ITPR1: variants seen among roughly 807,000 people sequenced by gnomAD.
ITPR1 encodes inositol 1,4,5-trisphosphate-gated calcium channel ITPR1.
A neutral mutation model predicts 318.4 loss-of-function variants in ITPR1; 96 were observed. That is an observed-to-expected ratio of 0.30 (90% CI 0.26 to 0.36). The LOEUF (loss-of-function observed/expected upper bound fraction) is 0.36, where lower values mean the gene tolerates loss of function less well. ITPR1 is among the 10% of genes least tolerant of loss of function. The pLI is 1.00. For missense variants in ITPR1, 2,440 were observed against 3,460.2 expected, an observed-to-expected ratio of 0.71 and a Z score of 7.40; for synonymous variants, 1,312 against 1,289.9, an observed-to-expected ratio of 1.02 and a Z score of -0.37.
At chr3:4,829,462 G>A (rs1205011295) in intron 60 of ITPR1, among the ~76,000 whole-genome samples, 1 of 151,720 alleles carries the variant, frequency 6.6e-6, no homozygotes, top group East Asian at 1.9e-4. Flanking sequence ...TAGACTCACA[G>A]GATAGAAGAA....
At chr3:4,539,946 G>C (rs2084269049) in intron 4 of ITPR1, among the ~76,000 whole-genome samples, 1 of 145,798 alleles carries the variant, frequency 6.9e-6, no homozygotes, top group African/African-American at 2.6e-5. Flanking sequence ...CCCAGTTTCA[G>C]GTATTCTGTT....
At chr3:4,719,625 G>A (rs2042005437) in intron 40 of ITPR1, among the ~76,000 whole-genome samples, 1 of 152,180 alleles carries the variant, frequency 6.6e-6, no homozygotes, top group South Asian at 2.1e-4. Flanking sequence ...CTGAGGAAGG[G>A]ACGCCATGCT....
rs1414988573 is a variant in ITPR1 at position 4,669,887 on chromosome 3, C to T, written c.2006+114C>T. On this transcript the variant is annotated intron_variant, in intron 19 of 61. Coordinates refer to ENST00000649015, the MANE Select transcript of ITPR1 (RefSeq NM_001378452.1). ...TTGAGTTGATCTAAAGTCAGTGTGGCTGGCATTTGATCTTCTTATTGGAAA... is the reference window on the plus strand; with the variant it reads ...TTGAGTTGATCTAAAGTCAGTGTGGTTGGCATTTGATCTTCTTATTGGAAA... 29 of 1,086,826 alleles carry T rather than the reference C, an allele frequency of 2.7e-5. 1 individual carries two copies. Among genetic ancestry groups the T allele is most frequent in the Middle Eastern group, 4.3e-4 (2 of 4,612 alleles). 67.3% of individuals were successfully genotyped at this position (1,086,826 alleles called of 1,614,324 possible).
intron 5 of ITPR1, among the ~76,000 whole-genome samples, chr3:4,638,377 G>T (rs1346811557): frequency 1.3e-5 from 2 of 152,192 alleles, no homozygotes; most frequent in East Asian, 3.8e-4. Context: ...GATGAAGCCC[G>T]TTGCCCTTTA....
At position 4,660,947 on chromosome 3, in the gene ITPR1, C is replaced by G. The variant is rs144843200; in HGVS notation, c.1152-41C>G. 17 of 1,047,406 alleles carry G rather than the reference C, an allele frequency of 1.6e-5. No homozygotes were observed. The Middle Eastern group carries it at 8.5e-4, about 52-fold the overall frequency. 64.9% of individuals were successfully genotyped at this position (1,047,406 alleles called of 1,614,324 possible). ...AGACTAGGGGCTATAGAGTAAACCT[C>G]AATATTTATTTCCCTAAAACCCTCC... is the stretch of plus-strand genomic sequence containing the variant. On this transcript the variant is annotated intron_variant, in intron 13 of 61. Coordinates refer to ENST00000649015, the MANE Select transcript of ITPR1 (RefSeq NM_001378452.1).
intron 4 of ITPR1, among the ~76,000 whole-genome samples, chr3:4,586,040 A>T (rs1041681139): frequency 6.7e-6 from 1 of 150,066 alleles, no homozygotes; most frequent in Non-Finnish European, 1.5e-5. Flanking sequence ...TGTCCTTGTG[A>T]TAGTTTGCTG....
intron 34 of ITPR1, 43 bp downstream of exon 34, chr3:4,697,315 G>T (rs1357586383): frequency 1.5e-5 from 13 of 863,060 alleles, no homozygotes; most frequent in Non-Finnish European, 2.0e-5. Flanking sequence ...GAGAGTGAGA[G>T]GTGTGTGTGT....
At chr3:4,791,404 T>C (rs2047544983) in intron 52 of ITPR1, among the ~76,000 whole-genome samples, 1 of 152,194 alleles carries the variant, frequency 6.6e-6, no homozygotes. Flanking sequence ...TTAGATTTTC[T>C]TACGGAGTGT....
At chr3:4,604,107 G>A (rs1214008811) in intron 4 of ITPR1, among the ~76,000 whole-genome samples, 1 of 152,150 alleles carries the variant, frequency 6.6e-6, no homozygotes, top group Non-Finnish European at 1.5e-5. Context: ...GTTTTTTCCT[G>A]TGTTGGTTGA....
At chr3:4,833,563 G>A (rs2050670620) in intron 60 of ITPR1, among the ~76,000 whole-genome samples, 1 of 152,230 alleles carries the variant, frequency 6.6e-6, no homozygotes, top group Non-Finnish European at 1.5e-5. Flanking sequence ...TGAGGACTGT[G>A]AATGTCCATC....
At chr3:4,501,449 A>G (rs1263976923) in intron 2 of ITPR1, among the ~76,000 whole-genome samples, 1 of 152,214 alleles carries the variant, frequency 6.6e-6, no homozygotes, top group African/African-American at 2.4e-5. Flanking sequence ...CTCCACATTC[A>G]ATGAATGAGA....
intron 44 of ITPR1, among the ~76,000 whole-genome samples, chr3:4,748,236 T>A (rs2044247908): frequency 6.6e-6 from 1 of 152,108 alleles, no homozygotes; most frequent in Non-Finnish European, 1.5e-5. Context: ...TAGCCAGCCT[T>A]TAAGTTACAT....
At chr3:4,615,653 A>T (rs188469354) in intron 4 of ITPR1, among the ~76,000 whole-genome samples, 1 of 152,308 alleles carries the variant, frequency 6.6e-6, no homozygotes, top group East Asian at 1.9e-4. Context: ...CTGGGATTAC[A>T]GGAGTGAGCC....
intron 4 of ITPR1, among the ~76,000 whole-genome samples, chr3:4,604,407 G>A (rs1307707589): frequency 6.6e-6 from 1 of 152,114 alleles, no homozygotes; most frequent in African/African-American, 2.4e-5. Flanking sequence ...ATGGGTCAAG[G>A]TATTTATAAA....
At chr3:4,567,198 C>A (rs1559460715) in intron 4 of ITPR1, among the ~76,000 whole-genome samples, 1 of 152,156 alleles carries the variant, frequency 6.6e-6, no homozygotes, top group South Asian at 2.1e-4. Context: ...AGTGGAGTCT[C>A]CCCTTCAATT....
chr3:4,828,316 C>G (rs3805029), intron 60 of ITPR1, among the ~76,000 whole-genome samples: 53,752 of 151,992 alleles, frequency 0.35, 9,883 homozygotes, highest in East Asian at 0.55. Flanking sequence ...TACATAGCCA[C>G]TGGGAATGTT....
chr3:4,656,649 A>T (rs958988652), intron 12 of ITPR1, among the ~76,000 whole-genome samples: 1 of 152,196 alleles, frequency 6.6e-6, no homozygotes. Flanking sequence ...GTGCTCCTGC[A>T]TTTCAGGCCC....
chr3:4,775,539 G>A (rs1485186633), intron 47 of ITPR1, 97 bp downstream of exon 47: 5 of 880,146 alleles, frequency 5.7e-6, no homozygotes, highest in Admixed American at 4.4e-5. Context: ...TGTGCCTGTT[G>A]GCCTAGGGAG....
At chr3:4,525,919 C>A (rs1294925127) in intron 4 of ITPR1, among the ~76,000 whole-genome samples, 1 of 152,232 alleles carries the variant, frequency 6.6e-6, no homozygotes, top group African/African-American at 2.4e-5. Flanking sequence ...AACCAGTCTT[C>A]ATTTTGCTCC....
Sources: gnomAD v4.1 joint callset for allele counts (sites outside exome capture counted in the v4.1 genomes callset) on GRCh38, gnomAD v4.1.1 for gene constraint, MANE v1.5 for transcripts, NCBI Gene and HGNC (gene_info 2026-07-23, HGNC 2026-07-21) for gene names.